The following GNAS variants were observed in gnomAD, a reference collection of about 807,000 sequenced individuals.
GNAS encodes the protein GNAS complex locus, also known as protein ALEX.
A neutral mutation model predicts 54.5 loss-of-function variants in GNAS; 8 were observed. The ratio of observed to expected loss-of-function variants is 0.15; its 90% CI spans 0.09 to 0.26. GNAS has a LOEUF of 0.26. GNAS is among the 10% of genes least tolerant of loss of function. The pLI is 1.00. For missense variants in GNAS, 170 were observed against 529.8 expected, an observed-to-expected ratio of 0.32 and a Z score of 6.67; for synonymous variants, 204 against 191.4, an observed-to-expected ratio of 1.07 and a Z score of -0.54.
At chr20:58,885,629 A>T (rs2088540832) in intron 1 of GNAS, among the ~76,000 whole-genome samples, 1 of 151,784 alleles carries the variant, frequency 6.6e-6, no homozygotes, top group South Asian at 2.1e-4. Context: ...AGAAAAAAAA[A>T]TGTCCTAGAT....
chr20:58,897,042 C>A (rs531415714), intron 2 of GNAS, among the ~76,000 whole-genome samples: 1 of 152,314 alleles, frequency 6.6e-6, no homozygotes, highest in South Asian at 2.1e-4. Flanking sequence ...GATGACATCA[C>A]CCATACGAAT....
chr20:58,903,390 T>A, intron 3 of GNAS, 141 bp from the exon 4 acceptor site: 2 of 782,612 alleles, frequency 2.6e-6, no homozygotes, highest in Non-Finnish European at 4.4e-6. Flanking sequence ...TTCAGCTACC[T>A]CCAATCTTTG....
At position 58,899,649 on chromosome 20, in the gene GNAS, TCACA is replaced by T. The variant is rs371284636; in HGVS notation, c.257+676_257+679del. Among the ~76,000 whole-genome samples, 1,093 of 133,356 alleles carry T rather than the reference TCACA, an allele frequency of 8.2e-3. 10 individuals carry two copies. Among genetic ancestry groups the T allele is most frequent in the African/African-American group, 0.025 (1,022 of 40,764 alleles). The allele number at this position is 133,356 out of a possible 152,430, so 87.5% of individuals were successfully genotyped here. A position where few individuals can be genotyped will look rare whatever the true frequency, so the allele number is the denominator to read the frequency against. On this transcript the variant is annotated intron_variant, in intron 3 of 12. Transcript: ENST00000371085. Reference sequence around the variant, plus strand: ...TTTGCTTCCTGCATCCCCACACCCATCACACACACACACACGCACACACATGCAC... The same window carrying T: ...TTTGCTTCCTGCATCCCCACACCCATCACACACACACGCACACACATGCAC...
chr20:58,885,375 G>C (rs1361587673), intron 1 of GNAS, among the ~76,000 whole-genome samples: 14 of 152,160 alleles, frequency 9.2e-5, no homozygotes, highest in Non-Finnish European at 4.4e-5. Flanking sequence ...CAAGAAATTG[G>C]GTCCAAATAC....
At chr20:58,864,845 G>C (rs546158638) in intron 1 of GNAS, among the ~76,000 whole-genome samples, 3 of 152,170 alleles carry the variant, frequency 2.0e-5, no homozygotes, top group South Asian at 2.1e-4. Context: ...GGTCCTCCAA[G>C]TGGCTTTATT....
rs2089989770 is a variant in GNAS, at chr20:58,895,798, T to C, written c.212+114T>C. The C allele has an allele frequency of 5.5e-6, 4 of 732,626 alleles. No individual in the cohort carries two copies. The Admixed American group carries it at 8.2e-5, about 15-fold the overall frequency. 45.4% of individuals were successfully genotyped at this position (732,626 alleles called of 1,614,324 possible). A position where few individuals can be genotyped will look rare whatever the true frequency, so the allele number is the denominator to read the frequency against. On this transcript the variant is annotated intron_variant, in intron 2 of 12. Transcript: ENST00000371085. ...TGGGCAGCCAGTTTTCACTTAATTT[T>C]TCCTGATTTACATATTAGAAAATCC...
upstream of GNAS, among the ~76,000 whole-genome samples, chr20:58,888,105 C>A (rs2088720281): frequency 6.6e-6 from 1 of 152,206 alleles, no homozygotes; most frequent in African/African-American, 2.4e-5. Flanking sequence ...GTAGACTTTT[C>A]TTTTTTCTCC....
In GNAS at chr20:58,853,059, G is replaced by A; in HGVS notation, c.43+12173G>A. 3 of 1,375,146 alleles carry A rather than the reference G, an allele frequency of 2.2e-6. No individual in the cohort carries two copies. The highest frequency in any genetic ancestry group is 1.8e-5 in the South Asian group (1 of 55,490). 85.2% of individuals were successfully genotyped at this position (1,375,146 alleles called of 1,614,324 possible). On this transcript the variant is annotated intron_variant, in intron 1 of 12. Transcript: ENST00000306090. The surrounding 1 kb of genome is among the most constrained non-coding windows in gnomAD (Gnocchi z 4.4). Reference sequence around the variant, plus strand: ...CCAGGAAGGAGCCAAGACTCCACCAGCAACAATTGAGTTGCTTCAGCCTCA... The same window carrying A: ...CCAGGAAGGAGCCAAGACTCCACCAACAACAATTGAGTTGCTTCAGCCTCA...
At chr20:58,861,510 C>A (rs968456321) in intron 1 of GNAS, among the ~76,000 whole-genome samples, 3 of 152,074 alleles carry the variant, frequency 2.0e-5, no homozygotes, top group Non-Finnish European at 4.4e-5. Context: ...CTGTGGTCAC[C>A]CTAAGCATAA....
At position 58,891,530 on chromosome 20, in the gene GNAS, G is replaced by A; in HGVS notation, c.-197G>A. The A allele has an allele frequency of 2.1e-6, 2 of 975,482 alleles. No homozygotes were observed. Among genetic ancestry groups the A allele is most frequent in the South Asian group, 4.6e-5 (1 of 21,584 alleles). 60.4% of individuals were successfully genotyped at this position (975,482 alleles called of 1,614,324 possible). On this transcript the variant is annotated 5_prime_UTR_variant, in exon 1 of 13. Coordinates refer to ENST00000371085, the MANE Select transcript of GNAS (RefSeq NM_000516.7). ...GCTGCGCGCGCCCCTCGGTCCGACC[G>A]ACACCCTCCCCTTCCCGCCCGTCCG... is the stretch of plus-strand genomic sequence containing the variant.
intron 1 of GNAS, among the ~76,000 whole-genome samples, chr20:58,864,496 C>A (rs530726749): frequency 6.6e-6 from 1 of 152,226 alleles, no homozygotes; most frequent in East Asian, 1.9e-4. Context: ...TTGCCCACTG[C>A]CCCCCAACAT....
intron 1 of GNAS, among the ~76,000 whole-genome samples, chr20:58,843,670 A>T (rs2085830641): frequency 6.6e-6 from 1 of 152,230 alleles, no homozygotes; most frequent in Non-Finnish European, 1.5e-5. Flanking sequence ...GGAGCAGGAG[A>T]ATAAAGCTAG....
chr20:58,841,294 G>A lies in GNAS; in HGVS notation c.43+408G>A. 5.6e-6 allele frequency: 6 copies of A among 1,071,884 alleles called. No homozygotes were observed. Among genetic ancestry groups the A allele is most frequent in the Non-Finnish European group, 6.8e-6 (6 of 882,470 alleles). 66.4% of individuals were successfully genotyped at this position (1,071,884 alleles called of 1,614,324 possible). On this transcript the variant is annotated intron_variant, in intron 1 of 12. Coordinates refer to the GNAS transcript ENST00000306090. This position sits in a 1 kb window ranked among gnomAD's most constrained non-coding sequence, Gnocchi z 5.0. Reference sequence around the variant, plus strand: ...CTCAAATAAGTTGGCCTTCTCAGGTGTCCAAAATGTGGTTCGGAGGTGCGC... The same window carrying A: ...CTCAAATAAGTTGGCCTTCTCAGGTATCCAAAATGTGGTTCGGAGGTGCGC...
intron 3 of GNAS, chr20:58,899,846 C>A: frequency 2.9e-6 from 2 of 698,482 alleles, no homozygotes; most frequent in Admixed American, 2.1e-5. Context: ...TAGTTTAGGG[C>A]ATCTCAAAGA....
rs1225028002 is a variant in GNAS at position 58,911,155 on chromosome 20, A to G, written c.*326A>G. 2.0e-6 allele frequency: 1 copy of G among 494,734 alleles called. No individual in the cohort carries two copies. The highest frequency in any genetic ancestry group is 3.8e-6 in the Non-Finnish European group (1 of 265,724). 30.6% of individuals were successfully genotyped at this position (494,734 alleles called of 1,614,324 possible). A position where few individuals can be genotyped will look rare whatever the true frequency, so the allele number is the denominator to read the frequency against. On this transcript the variant is annotated 3_prime_UTR_variant, in exon 13 of 13. Coordinates refer to ENST00000371085, the MANE Select transcript of GNAS (RefSeq NM_000516.7). ...AATAAATATTGTGTTGTGCAGCATT[A>G]AAAAAAATCAAAATAAAAATTAAAT...
chr20:58,859,871 G>A (rs533872624), intron 1 of GNAS, among the ~76,000 whole-genome samples: 17 of 151,674 alleles, frequency 1.1e-4, no homozygotes, highest in Non-Finnish European at 2.2e-4. Flanking sequence ...TGATCCGCCC[G>A]CCTCAGCCTC....
intron 3 of GNAS, among the ~76,000 whole-genome samples, chr20:58,902,041 G>A (rs1031791854): frequency 6.6e-6 from 1 of 151,930 alleles, no homozygotes; most frequent in East Asian, 1.9e-4. Context: ...ACTCTCAAAA[G>A]ATTAAAAAAT....
upstream of GNAS, among the ~76,000 whole-genome samples, chr20:58,887,930 G>A (rs2088704384): frequency 6.6e-6 from 1 of 152,178 alleles, no homozygotes; most frequent in Non-Finnish European, 1.5e-5. Context: ...ACTCGAAGTG[G>A]AGCAAACTGG....
rs368942425 is a variant in GNAS at position 58,899,695 on chromosome 20, G to A, written c.257+710G>A. On this transcript the variant is annotated intron_variant, in intron 3 of 12. Transcript: ENST00000371085. ...CACATGCACATGCATACACAGACAC[G>A]CACACACATCACACGCACACACAGC... is the stretch of plus-strand genomic sequence containing the variant. Among the ~76,000 whole-genome samples, 93 of 150,732 alleles carry A rather than the reference G, an allele frequency of 6.2e-4. No individual in the cohort carries two copies. In the East Asian group the frequency reaches 0.012, roughly 19 times the overall value.
Sources: allele counts gnomAD v4.1 joint callset (sites outside exome capture counted in the v4.1 genomes callset), GRCh38; gene constraint gnomAD v4.1.1; non-coding constraint Gnocchi (gnomAD v3.1); transcripts MANE v1.5; gene names NCBI Gene and HGNC (gene_info 2026-07-23, HGNC 2026-07-21).